Variants in KSR2 observed in about 807,000 individuals in gnomAD.
KSR2 encodes the protein kinase suppressor of ras 2.
Under a neutral mutation model 107.8 loss-of-function variants are expected in KSR2, and 25 were observed. That is an observed-to-expected ratio of 0.23 (90% confidence interval 0.17 to 0.32). The LOEUF is 0.32. Ranked by LOEUF, KSR2 falls within the 10% of genes least tolerant of loss-of-function variation. The probability of loss-of-function intolerance (pLI) is 1.00; values close to 1 mark genes in which losing one functional copy is unlikely to be tolerated. For missense variants in KSR2, 887 were observed against 1,268.9 expected, an observed-to-expected ratio of 0.70 and a Z score of 4.57; for synonymous variants, 480 against 507.0, an observed-to-expected ratio of 0.95 and a Z score of 0.71.
At chr12:117,735,124 A>G (rs1455063509) in intron 4 of KSR2, among the ~76,000 whole-genome samples, 1 of 152,022 alleles carries the variant, frequency 6.6e-6, no homozygotes, top group Non-Finnish European at 1.5e-5. Flanking sequence ...GCCCTCTCTG[A>G]CTCAAGCTGC....
At chr12:117,882,835 A>G (rs532364382) in intron 1 of KSR2, among the ~76,000 whole-genome samples, 144 of 151,892 alleles carry the variant, frequency 9.5e-4, no homozygotes, top group African/African-American at 3.0e-3. Flanking sequence ...CTATTCATTT[A>G]TTCATCCATC....
At chr12:117,697,635 A>G (rs746009587) in intron 4 of KSR2, among the ~76,000 whole-genome samples, 1 of 151,704 alleles carries the variant, frequency 6.6e-6, no homozygotes, top group Non-Finnish European at 1.5e-5. Flanking sequence ...AGATACTCAG[A>G]AGGCTGAGGC....
intron 4 of KSR2, among the ~76,000 whole-genome samples, chr12:117,669,704 T>A (rs982525474): frequency 1.3e-5 from 2 of 151,746 alleles, no homozygotes; most frequent in African/African-American, 4.8e-5. Context: ...CCTGTCTCCA[T>A]AGAAAATTAA....
Position 117,582,328 on chromosome 12 carries a change from C to A in KSR2, c.1203G>T (p.Gln401His), listed in dbSNP as rs777024707. The change falls in exon 6 of 20, where the codon CAG becomes CAT. Residue 401 changes from glutamine (Q) to histidine (H), a missense_variant. Transcript: ENST00000339824. The part of the protein sequence containing the change: ...NTLSVPRWSP[Q>H]IPRRDLGNSI... ...AGTTGCCGAGATCTCTGCGAGGGAT[C>A]TGCGGGGACCAGCGTGGCACTGACA... 21 of 1,613,838 alleles carry A rather than the reference C, an allele frequency of 1.3e-5. No individual in the cohort carries two copies. Among genetic ancestry groups the A allele is most frequent in the Non-Finnish European group, 1.8e-5 (21 of 1,179,844 alleles).
chr12:117,606,621 T>C, intron 5 of KSR2, among the ~76,000 whole-genome samples: 4 of 94,824 alleles, frequency 4.2e-5, no homozygotes, highest in Admixed American at 1.3e-4. Context: ...CCTTCCTCCC[T>C]CCCTTTCTTC....
intron 3 of KSR2, among the ~76,000 whole-genome samples, chr12:117,761,866 A>G (rs568490182): frequency 6.6e-6 from 1 of 152,302 alleles, no homozygotes; most frequent in South Asian, 2.1e-4. Context: ...TGCACATTAC[A>G]CCATATGCAT....
intron 1 of KSR2, among the ~76,000 whole-genome samples, chr12:117,896,810 A>G (rs1894526692): frequency 6.6e-6 from 1 of 152,192 alleles, no homozygotes; most frequent in South Asian, 2.1e-4. Context: ...TTAAGAGGAT[A>G]AATGTTATGG....
At chr12:117,612,558 C>T (rs1247230874) in intron 5 of KSR2, among the ~76,000 whole-genome samples, 2 of 152,088 alleles carry the variant, frequency 1.3e-5, no homozygotes, top group Non-Finnish European at 2.9e-5. Flanking sequence ...ATCTAAATGC[C>T]TTAGTACTCC....
At chr12:117,825,226 G>C (rs1891698352) in intron 3 of KSR2, among the ~76,000 whole-genome samples, 1 of 152,178 alleles carries the variant, frequency 6.6e-6, no homozygotes, top group African/African-American at 2.4e-5. Context: ...GTTGTCAATG[G>C]ATGATTGATG....
chr12:117,704,037 T>C (rs559264243), intron 4 of KSR2, among the ~76,000 whole-genome samples: 6 of 152,222 alleles, frequency 3.9e-5, no homozygotes, highest in Non-Finnish European at 8.8e-5. Context: ...ATTTGATCTG[T>C]GCACTGCTTC....
intron 3 of KSR2, among the ~76,000 whole-genome samples, chr12:117,796,207 A>T (rs1256516468): frequency 6.6e-6 from 1 of 152,214 alleles, no homozygotes; most frequent in East Asian, 1.9e-4. Flanking sequence ...CTGGGATTAA[A>T]GGCGGAAGCC....
intron 4 of KSR2, among the ~76,000 whole-genome samples, chr12:117,753,990 G>A (rs1292624857): frequency 7.2e-6 from 1 of 138,048 alleles, no homozygotes; most frequent in East Asian, 2.1e-4. Flanking sequence ...GTGTGTGTGT[G>A]TGTGTGTGTG....
chr12:117,894,319 A>G (rs1336621544), intron 1 of KSR2, among the ~76,000 whole-genome samples: 1 of 152,118 alleles, frequency 6.6e-6, no homozygotes, highest in African/African-American at 2.4e-5. Context: ...AAATGTCGAT[A>G]TTTTGTTTAT....
At chr12:117,530,173 A>G (rs928778390) in intron 12 of KSR2, among the ~76,000 whole-genome samples, 1 of 152,244 alleles carries the variant, frequency 6.6e-6, no homozygotes, top group African/African-American at 2.4e-5. Flanking sequence ...ATAAATGGAA[A>G]GAACACACAT....
chr12:117,709,880 C>T (rs951825402), intron 4 of KSR2, among the ~76,000 whole-genome samples: 1 of 152,168 alleles, frequency 6.6e-6, no homozygotes, highest in Non-Finnish European at 1.5e-5. Context: ...TGCCCGCTGT[C>T]CCCTGGGAGG....
At chr12:117,476,838 G>A (rs2137124776) in intron 16 of KSR2, among the ~76,000 whole-genome samples, 1 of 152,254 alleles carries the variant, frequency 6.6e-6, no homozygotes, top group East Asian at 1.9e-4. Context: ...CCACCTTCTT[G>A]CCCATCTTCA....
chr12:117,495,190 C>G (rs982628685), intron 14 of KSR2, among the ~76,000 whole-genome samples: 2 of 152,328 alleles, frequency 1.3e-5, no homozygotes. Flanking sequence ...TTCCCCACTT[C>G]TTGAAACTCA....
At chr12:117,944,400 G>A (rs543772177) in intron 1 of KSR2, among the ~76,000 whole-genome samples, 3 of 152,014 alleles carry the variant, frequency 2.0e-5, no homozygotes, top group Middle Eastern at 6.9e-3. Context: ...AAATTACCCA[G>A]TCTCGGGTAT....
chr12:117,473,578 G>A (rs1452822389), intron 17 of KSR2, among the ~76,000 whole-genome samples: 1 of 152,210 alleles, frequency 6.6e-6, no homozygotes, highest in Non-Finnish European at 1.5e-5. Context: ...CTGGCGATTG[G>A]AGTCTGGTGA....
Sources: gnomAD v4.1 joint callset for allele counts (sites outside exome capture counted in the v4.1 genomes callset) on GRCh38, gnomAD v4.1.1 for gene constraint, MANE v1.5 for transcripts, NCBI Gene and HGNC (gene_info 2026-07-23, HGNC 2026-07-21) for gene names.